Variants in CTNNA2 observed in about 807,000 individuals in gnomAD.
CTNNA2 encodes catenin alpha 2, also known as catenin alpha-2.
A neutral mutation model predicts 101.0 loss-of-function variants in CTNNA2; 42 were observed. The observed-to-expected ratio is 0.42, with a 90% CI of 0.32 to 0.54. CTNNA2 has a LOEUF of 0.54. CTNNA2 is among the 20% of genes least tolerant of loss of function. The pLI is 0.14. For missense variants in CTNNA2, 871 were observed against 1,223.1 expected (o/e 0.71, Z 4.29); for synonymous variants, 450 against 456.4 (o/e 0.99, Z 0.18).
chr2:80,437,244 CT>C (rs1435176580), intron 9 of CTNNA2, among the ~76,000 whole-genome samples: 1 of 152,158 alleles, frequency 6.6e-6, no homozygotes, highest in Admixed American at 6.5e-5. Flanking sequence ...CCTGAACACA[CT>C]AAGACAGCCA....
chr2:79,909,872 G>A, intron 7 of CTNNA2, 75 bp downstream of exon 7: 1 of 1,425,166 alleles, frequency 7.0e-7, no homozygotes, highest in Non-Finnish European at 9.5e-7. Flanking sequence ...TGGAAGCATA[G>A]ATAGCAGGAA....
chr2:79,944,690 C>T (rs1219279131), intron 7 of CTNNA2, among the ~76,000 whole-genome samples: 2 of 152,172 alleles, frequency 1.3e-5, no homozygotes, highest in Non-Finnish European at 2.9e-5. Context: ...AATATACCAA[C>T]ATCTAAGCAC....
chr2:80,026,914 G>T, intron 7 of CTNNA2, among the ~76,000 whole-genome samples: 1 of 152,132 alleles, frequency 6.6e-6, no homozygotes, highest in East Asian at 1.9e-4. Context: ...CACTATTCTG[G>T]CATCTGGGAA....
chr2:79,682,008 G>A (rs1359221541), intron 2 of CTNNA2, among the ~76,000 whole-genome samples: 1 of 152,186 alleles, frequency 6.6e-6, no homozygotes, highest in Non-Finnish European at 1.5e-5. Context: ...AGAAATGTTT[G>A]AGGGAGGACT....
At chr2:79,797,797 C>T (rs561642624) in intron 3 of CTNNA2, among the ~76,000 whole-genome samples, 3 of 151,642 alleles carry the variant, frequency 2.0e-5, no homozygotes, top group Non-Finnish European at 4.4e-5. Flanking sequence ...AAATATGTTC[C>T]AGTTTCCTTA....
At chr2:79,544,650 A>C (rs532060305) in intron 1 of CTNNA2, among the ~76,000 whole-genome samples, 3 of 152,188 alleles carry the variant, frequency 2.0e-5, no homozygotes, top group Non-Finnish European at 4.4e-5. Flanking sequence ...CTAGCTTCAG[A>C]ATTTTTTCTT....
chr2:79,667,998 T>G (rs1412655194), intron 2 of CTNNA2, among the ~76,000 whole-genome samples: 1 of 151,292 alleles, frequency 6.6e-6, no homozygotes, highest in East Asian at 2.0e-4. Context: ...CCCAGCACTT[T>G]GGGAGGCCGA....
chr2:80,373,427 T>C (rs1052080804), intron 7 of CTNNA2, among the ~76,000 whole-genome samples: 1 of 152,168 alleles, frequency 6.6e-6, no homozygotes, highest in African/African-American at 2.4e-5. Flanking sequence ...GGGATAGGTA[T>C]CATATAGTTA....
intron 6 of CTNNA2, among the ~76,000 whole-genome samples, chr2:79,893,167 T>G (rs1417662744): frequency 6.6e-6 from 1 of 152,120 alleles, no homozygotes; most frequent in Non-Finnish European, 1.5e-5. Context: ...TTGTGTCTCA[T>G]TATGAAAAAA....
At chr2:80,481,715 G>A (rs1041954398) in intron 9 of CTNNA2, among the ~76,000 whole-genome samples, 13 of 152,054 alleles carry the variant, frequency 8.5e-5, no homozygotes, top group African/African-American at 1.9e-4. Flanking sequence ...CTATTATTAA[G>A]GACTACAAAC....
At chr2:79,620,562 A>T (rs1678930034) in intron 1 of CTNNA2, among the ~76,000 whole-genome samples, 1 of 152,214 alleles carries the variant, frequency 6.6e-6, no homozygotes, top group South Asian at 2.1e-4. Context: ...CTAACAGGGT[A>T]CCTGAGTAGA....
intron 7 of CTNNA2, among the ~76,000 whole-genome samples, chr2:80,158,986 TATC>T (rs1284575087): frequency 6.6e-6 from 1 of 152,158 alleles, no homozygotes; most frequent in East Asian, 1.9e-4. Flanking sequence ...ATTCCTTACT[TATC>T]ATTATTCTCT....
intron 3 of CTNNA2, among the ~76,000 whole-genome samples, chr2:79,361,267 A>T (rs1426682300): frequency 1.3e-5 from 2 of 152,192 alleles, no homozygotes; most frequent in African/African-American, 4.8e-5. Flanking sequence ...AAAGATTTAG[A>T]CAAACAAACA....
At chr2:80,189,472 C>T (rs887010715) in intron 7 of CTNNA2, among the ~76,000 whole-genome samples, 1 of 152,172 alleles carries the variant, frequency 6.6e-6, no homozygotes, top group Non-Finnish European at 1.5e-5. Context: ...CCATTCTTCC[C>T]TGCAGCATGG....
At chr2:80,222,194 A>G (rs1708612634) in intron 7 of CTNNA2, among the ~76,000 whole-genome samples, 1 of 152,114 alleles carries the variant, frequency 6.6e-6, no homozygotes, top group African/African-American at 2.4e-5. Flanking sequence ...CATAGGCCCC[A>G]TCATCTCATC....
At chr2:79,453,797 T>C (rs1670781961) in intron 4 of CTNNA2, among the ~76,000 whole-genome samples, 1 of 152,136 alleles carries the variant, frequency 6.6e-6, no homozygotes, top group East Asian at 1.9e-4. Context: ...ATTGGTGCAG[T>C]GATTAACAAA....
rs371697965 is a variant in CTNNA2 at position 79,209,509 on chromosome 2, TC to T, written c.-406+11434del. On this transcript the variant is annotated intron_variant, in intron 2 of 21. Transcript: ENST00000466387. ...CTCTCATTAAATGAGTAAAATACAA[TC>T]TTTTCACACATGTTTATTCTTGTAT... 9.6e-4 allele frequency among the ~76,000 whole-genome samples: 146 copies of T among 152,382 alleles called. 1 individual carries two copies. Among genetic ancestry groups the T allele is most frequent in the Middle Eastern group, 3.4e-3 (1 of 294 alleles).
intron 7 of CTNNA2, among the ~76,000 whole-genome samples, chr2:80,337,135 C>G (rs879389987): frequency 6.6e-5 from 10 of 152,100 alleles, no homozygotes; most frequent in Non-Finnish European, 1.0e-4. Flanking sequence ...GTGGGCAGAT[C>G]ACGAGGTCAG....
chr2:80,179,027 A>G (rs1427883978), intron 7 of CTNNA2, among the ~76,000 whole-genome samples: 2 of 152,238 alleles, frequency 1.3e-5, no homozygotes, highest in Non-Finnish European at 2.9e-5. Flanking sequence ...TTTGTGAACA[A>G]GATCATGATA....
Sources: gnomAD v4.1 joint callset for allele counts (sites outside exome capture counted in the v4.1 genomes callset) on GRCh38, gnomAD v4.1.1 for gene constraint, MANE v1.5 for transcripts, NCBI Gene and HGNC (gene_info 2026-07-23, HGNC 2026-07-21) for gene names.